The following DCLK2 variants were observed in gnomAD, a reference collection of about 807,000 sequenced individuals.
The protein encoded by DCLK2 is serine/threonine-protein kinase DCLK2.
Under a neutral mutation model 78.4 loss-of-function variants are expected in DCLK2, and 31 were observed. The ratio of observed to expected loss-of-function variants is 0.40; its 90% CI spans 0.30 to 0.53. The LOEUF (loss-of-function observed/expected upper bound fraction) is 0.53, where lower values mean the gene tolerates loss of function less well. DCLK2 is among the 20% of genes least tolerant of loss of function. The pLI is 0.61. For synonymous variants in DCLK2, 407 were observed against 374.9 expected, an observed-to-expected ratio of 1.09 and a Z score of -0.99; for missense variants, 872 against 973.7, an observed-to-expected ratio of 0.90 and a Z score of 1.39.
At position 150,169,994 on chromosome 4, in the gene DCLK2, T is replaced by A. The variant is rs1736395074; in HGVS notation, c.757-23144T>A. ...TCTGTTGCTTATCTGAAATTCAGATTTAACTAGGTATCCAGTATTTTATCT... is the reference window on the plus strand; with the variant it reads ...TCTGTTGCTTATCTGAAATTCAGATATAACTAGGTATCCAGTATTTTATCT... On this transcript the variant is annotated intron_variant, in intron 2 of 15. Transcript: ENST00000296550. Among the ~76,000 whole-genome samples, 3 of 152,196 alleles carry A rather than the reference T, an allele frequency of 2.0e-5. No homozygotes were observed. In the South Asian group the frequency reaches 6.2e-4, roughly 32 times the overall value.
chr4:150,090,452 G>A (rs922719779), intron 1 of DCLK2, among the ~76,000 whole-genome samples: 2 of 148,900 alleles, frequency 1.3e-5, no homozygotes, highest in Non-Finnish European at 3.0e-5. Context: ...ACAAAAAAAC[G>A]CACAATGAAA....
chr4:150,171,050 C>T (rs1736491550), intron 2 of DCLK2, among the ~76,000 whole-genome samples: 1 of 152,104 alleles, frequency 6.6e-6, no homozygotes, highest in Non-Finnish European at 1.5e-5. Context: ...AGGTAGCATC[C>T]CTATAAACTG....
chr4:150,155,488 T>C (rs989665823), intron 2 of DCLK2, among the ~76,000 whole-genome samples: 17 of 152,226 alleles, frequency 1.1e-4, no homozygotes, highest in Admixed American at 1.1e-3. Flanking sequence ...AAGAGAATGA[T>C]TGTACTGATA....
At chr4:150,226,978 T>A (rs1741669643) in intron 8 of DCLK2, among the ~76,000 whole-genome samples, 1 of 152,222 alleles carries the variant, frequency 6.6e-6, no homozygotes, top group Non-Finnish European at 1.5e-5. Flanking sequence ...ATATCTGCTA[T>A]TTGTTAAAAT....
At chr4:150,205,979 T>TC (rs1047959446) in intron 5 of DCLK2, among the ~76,000 whole-genome samples, 1 of 152,158 alleles carries the variant, frequency 6.6e-6, no homozygotes, top group Non-Finnish European at 1.5e-5. Context: ...CTTGGTCACT[T>TC]CCCCATTTTT....
At chr4:150,226,240 T>TC (rs1384437715) in intron 8 of DCLK2, among the ~76,000 whole-genome samples, 1 of 151,860 alleles carries the variant, frequency 6.6e-6, no homozygotes, top group Admixed American at 6.6e-5. Flanking sequence ...TTTTTTTTTT[T>TC]TAACCACACT....
chr4:150,236,342 G>C (rs1742509126), intron 10 of DCLK2, among the ~76,000 whole-genome samples: 1 of 152,144 alleles, frequency 6.6e-6, no homozygotes, highest in African/African-American at 2.4e-5. Context: ...CTTGCAGAAT[G>C]GTGCTGTGGA....
chr4:150,229,384 G>A (rs1250051304), intron 8 of DCLK2, among the ~76,000 whole-genome samples: 1 of 152,160 alleles, frequency 6.6e-6, no homozygotes, highest in Non-Finnish European at 1.5e-5. Context: ...ATTGGCAAGA[G>A]GAACAGAGAG....
chr4:150,238,809 C>G (rs181426166), intron 10 of DCLK2, among the ~76,000 whole-genome samples: 1 of 152,240 alleles, frequency 6.6e-6, no homozygotes, highest in East Asian at 1.9e-4. Flanking sequence ...AGAGGTCACA[C>G]AACCAGATGT....
chr4:150,121,419 C>T (rs895668869), intron 2 of DCLK2, among the ~76,000 whole-genome samples: 29 of 152,184 alleles, frequency 1.9e-4, no homozygotes, highest in Non-Finnish European at 3.8e-4. Context: ...TTTGCTCATC[C>T]ATTAGAAGCA....
rs992960454 is a variant in DCLK2 at position 150,240,958 on chromosome 4, C to T, written c.1778+482C>T. 3.9e-5 allele frequency among the ~76,000 whole-genome samples: 6 copies of T among 152,204 alleles called. No individual in the cohort carries two copies. The East Asian group carries it at 9.6e-4, about 24-fold the overall frequency. On this transcript the variant is annotated intron_variant, in intron 12 of 15. Transcript: ENST00000296550. Reference sequence around the variant, plus strand: ...AATAAACCCATAATACAGTGTCTACCATGTCCAATTTCTCCATCTTTTCAA... The same window carrying T: ...AATAAACCCATAATACAGTGTCTACTATGTCCAATTTCTCCATCTTTTCAA...
chr4:150,193,215 A>G lies in DCLK2; in HGVS notation c.834A>G (p.Gln278=), dbSNP rs1738601283. 7 of 1,611,480 alleles carry G rather than the reference A, an allele frequency of 4.3e-6. No homozygotes were observed. The highest frequency in any genetic ancestry group is 5.9e-6 in the Non-Finnish European group (7 of 1,178,132). ...GACCAGAAAAATTTCGTTATGCCCA[A>G]GATGACTTTGTCCTGGATCATAGTG... ...ACGPEKFRYA[Q]DDFVLDHSEC... Residue 278 remains glutamine (Q), a synonymous_variant, in exon 3 of 16, where the codon CAA becomes CAG. Transcript: ENST00000296550.
At chr4:150,221,532 A>G (rs879654853) in intron 6 of DCLK2, 145 bp from the exon 7 acceptor site, 3 of 529,342 alleles carry the variant, frequency 5.7e-6, no homozygotes, top group Admixed American at 4.1e-5. Flanking sequence ...CAGGTGTTCT[A>G]TTCAGGAAAT....
intron 2 of DCLK2, among the ~76,000 whole-genome samples, chr4:150,180,836 C>G (rs1442476501): frequency 6.6e-6 from 1 of 152,134 alleles, no homozygotes; most frequent in Non-Finnish European, 1.5e-5. Context: ...GAAAATATTC[C>G]TCTAACTTTC....
chr4:150,152,087 G>T (rs898535987), intron 2 of DCLK2, among the ~76,000 whole-genome samples: 6 of 152,134 alleles, frequency 3.9e-5, no homozygotes, highest in African/African-American at 1.2e-4. Flanking sequence ...GTTCACCAAA[G>T]TGTAGAAAGC....
At chr4:150,172,760 T>TTTGGGG (rs762854376) in intron 2 of DCLK2, among the ~76,000 whole-genome samples, 3 of 125,006 alleles carry the variant, frequency 2.4e-5, no homozygotes, top group Non-Finnish European at 5.2e-5. Context: ...TTTTTTTTTT[T>TTTGGGG]GGGGGGGGGG....
intron 2 of DCLK2, among the ~76,000 whole-genome samples, chr4:150,103,752 A>G (rs1405145970): frequency 6.6e-6 from 1 of 152,208 alleles, no homozygotes; most frequent in Non-Finnish European, 1.5e-5. Context: ...TTCTAAGACC[A>G]GATCTAGTTA....
intron 4 of DCLK2, among the ~76,000 whole-genome samples, chr4:150,199,775 C>T (rs1410218631): frequency 1.3e-5 from 2 of 152,012 alleles, no homozygotes; most frequent in East Asian, 3.8e-4. Context: ...TGCATAAATA[C>T]ACTGACCTGG....
intron 2 of DCLK2, among the ~76,000 whole-genome samples, chr4:150,114,524 C>A (rs1303491922): frequency 1.3e-5 from 2 of 152,092 alleles, no homozygotes; most frequent in Non-Finnish European, 2.9e-5. Flanking sequence ...TCAAGAGGTT[C>A]TATTATGGGG....
Sources: allele counts gnomAD v4.1 joint callset (sites outside exome capture counted in the v4.1 genomes callset), GRCh38; gene constraint gnomAD v4.1.1; transcripts MANE v1.5; gene names NCBI Gene and HGNC (gene_info 2026-07-23, HGNC 2026-07-21).